Variants in CFAP47 observed in about 807,000 individuals in gnomAD.
CFAP47 encodes cilia- and flagella-associated protein 47.
CFAP47 carries 29 observed loss-of-function variants against 148.1 expected under a neutral mutation model. The ratio of observed to expected loss-of-function variants is 0.20; its 90% CI spans 0.15 to 0.27. CFAP47 has a LOEUF of 0.27. Ranked by LOEUF, CFAP47 falls within the 10% of genes least tolerant of loss-of-function variation. The probability of loss-of-function intolerance (pLI) is 1.00; values close to 1 mark genes in which losing one functional copy is unlikely to be tolerated. For synonymous variants in CFAP47, 664 were observed against 577.3 expected (o/e 1.15, Z -2.15); for missense variants, 1,872 against 1,697.5 (o/e 1.10, Z -1.81).
chrX:35,970,920 A>G lies in CFAP47; in HGVS notation c.1967A>G (p.Glu656Gly). ...GTGCGCTTGCAGAAGAAACAAGCAG[A>G]GAGGTAATGTTCAGTTCCTCAAAAA... ...RSVRLQKKQA[E>G]RERMYSYDDT... is the part of the protein sequence containing the mutation. Residue 656 changes from glutamate (E) to glycine (G), a missense_variant, in exon 11 of 64, where the codon GAG (glutamate) becomes GGG (glycine). Physicochemically the swap from Glu to Gly is moderately conservative, Grantham distance 98 (BLOSUM62 -2). Coordinates refer to ENST00000378653, the MANE Select transcript of CFAP47 (RefSeq NM_001304548.2). 1 of 1,192,950 alleles carries G rather than the reference A, an allele frequency of 8.4e-7. No homozygotes were observed.
In CFAP47 at chrX:35,919,824, A is replaced by T. The variant is rs1458653673; in HGVS notation, c.25A>T (p.Thr9Ser). The change falls in exon 1 of 64, where the codon ACC (threonine) becomes TCC (serine). Residue 9 changes from threonine to serine, a missense_variant. Transcript: ENST00000378653. MNTQKGSL[T>S]INVHRGSLAM... is the part of the protein sequence containing the mutation. ...CATGAACACCCAAAAGGGTTCCCTC[A>T]CCATAAACGTCCACAGAGGTTCCCT... 8.3e-7 allele frequency: 1 copy of T among 1,204,407 alleles called. No homozygotes were observed. Among genetic ancestry groups the T allele is most frequent in the Non-Finnish European group, 1.1e-6 (1 of 892,603 alleles).
In CFAP47 at chrX:36,255,373, G is replaced by C. The variant is rs185753450; in HGVS notation, c.7444+3929G>C. ...TATGTTTAGCAGAGGTAGAAACTGA[G>C]CTTTGGCGAAGGCCCACTGAAGGCT... On this transcript the variant is annotated intron_variant, in intron 49 of 63. Transcript: ENST00000378653. Among the ~76,000 whole-genome samples, 173 of 112,400 alleles carry C rather than the reference G, an allele frequency of 1.5e-3. 1 individual carries two copies. Among genetic ancestry groups the C allele is most frequent in the African/African-American group, 5.1e-3 (159 of 30,951 alleles).
At chrX:36,349,256 T>C (rs1556017058) in intron 58 of CFAP47, among the ~76,000 whole-genome samples, 2 of 111,549 alleles carry the variant, frequency 1.8e-5, no homozygotes, top group Non-Finnish European at 3.8e-5. Context: ...GATCATAAAT[T>C]TTTTTAATTA....
At chrX:36,324,155 G>A (rs1941499638) in intron 57 of CFAP47, among the ~76,000 whole-genome samples, 1 of 111,596 alleles carries the variant, frequency 9.0e-6, no homozygotes, top group Admixed American at 9.6e-5. Flanking sequence ...GAGTGTAGGT[G>A]AATTGTGATT....
chrX:35,929,720 C>T (rs886406266), intron 2 of CFAP47, among the ~76,000 whole-genome samples: 1 of 109,277 alleles, frequency 9.2e-6, no homozygotes, highest in African/African-American at 3.5e-5. Context: ...AGTGGTGAAG[C>T]TGGCTTGGTG....
At chrX:36,272,556 C>G (rs4381111) in intron 49 of CFAP47, among the ~76,000 whole-genome samples, 3,107 of 110,928 alleles carry the variant, frequency 0.028, 44 homozygotes, top group Non-Finnish European at 0.042. Flanking sequence ...AGGCATCTAC[C>G]TTACAGTCTG....
intron 2 of CFAP47, among the ~76,000 whole-genome samples, chrX:35,936,708 C>T (rs1030274783): frequency 9.0e-6 from 1 of 110,902 alleles, no homozygotes; most frequent in African/African-American, 3.3e-5. Flanking sequence ...ATTTTGTATG[C>T]TGTGGTTGTG....
intron 48 of CFAP47, among the ~76,000 whole-genome samples, chrX:36,240,142 A>G (rs146907952): frequency 6.6e-4 from 74 of 112,000 alleles, no homozygotes; most frequent in African/African-American, 2.3e-3. Flanking sequence ...GGAGGGGATG[A>G]TCTGATTTCC....
At chrX:35,973,356 A>C in intron 13 of CFAP47, among the ~76,000 whole-genome samples, 1 of 109,889 alleles carries the variant, frequency 9.1e-6, no homozygotes, top group Non-Finnish European at 1.9e-5. Flanking sequence ...CACCTGGCTA[A>C]TTTTTTGTAT....
chrX:35,941,318 T>C lies in CFAP47; in HGVS notation c.437T>C (p.Val146Ala). 8.5e-7 allele frequency: 1 copy of C among 1,176,207 alleles called. No homozygotes were observed. The highest frequency in any genetic ancestry group is 1.1e-6 in the Non-Finnish European group (1 of 875,635). ...TCCTGTCAATTGGAAATTGAATCAG[T>C]AGTTAATTTTGGCACACTGGTTGCC... The part of the protein sequence containing the change: ...IPSCQLEIES[V>A]VNFGTLVANS... The change falls in exon 3 of 64, where the codon GTA becomes GCA. Residue 146 changes from valine (V) to alanine (A), a missense_variant. Val to Ala is a moderately conservative substitution (Grantham distance 64, BLOSUM62 0). Transcript: ENST00000378653.
rs1280178579 is a variant in CFAP47 at position 35,966,701 on chromosome X, T to G, written c.1547T>G (p.Phe516Cys). Reference protein sequence around the residue: ...VKSFHHVYLAFNSICKASTKK... With the variant: ...VKSFHHVYLACNSICKASTKK... ...TCTTTCCATCACGTATATTTAGCTT[T>G]CAACAGCATCTGTAAAGCTTCCACC... The change falls in exon 9 of 64, where the codon TTC becomes TGC. Residue 516 changes from phenylalanine to cysteine, a missense_variant. Transcript: ENST00000378653. 2.5e-6 allele frequency: 3 copies of G among 1,182,481 alleles called. No homozygotes were observed. In the East Asian group the frequency reaches 9.2e-5, roughly 36 times the overall value.
chrX:36,131,535 T>C lies in CFAP47; in HGVS notation c.5321-6423T>C, dbSNP rs140187052. Among the ~76,000 whole-genome samples, 585 of 111,425 alleles carry C rather than the reference T, an allele frequency of 5.3e-3. 4 individuals carry two copies. Among genetic ancestry groups the C allele is most frequent in the African/African-American group, 0.017 (534 of 30,826 alleles). ...ACTCATTGGTTTATACTCAAGATAA[T>C]TGAAAATATATGATTACAAAAAACT... On this transcript the variant is annotated intron_variant, in intron 33 of 63. Coordinates refer to ENST00000378653, the MANE Select transcript of CFAP47 (RefSeq NM_001304548.2).
intron 23 of CFAP47, among the ~76,000 whole-genome samples, chrX:36,031,623 A>C (rs1390226660): frequency 9.1e-6 from 1 of 110,021 alleles, no homozygotes; most frequent in Non-Finnish European, 1.9e-5. Flanking sequence ...AAATAAGTTT[A>C]ATATAATTAA....
intron 45 of CFAP47, among the ~76,000 whole-genome samples, chrX:36,208,016 A>G (rs893839119): frequency 8.9e-6 from 1 of 111,801 alleles, no homozygotes; most frequent in African/African-American, 3.3e-5. Context: ...AGTATTTTGT[A>G]TCGCTCTAAT....
intron 8 of CFAP47, among the ~76,000 whole-genome samples, chrX:35,960,755 G>T (rs751656014): frequency 1.8e-5 from 2 of 110,784 alleles, no homozygotes; most frequent in African/African-American, 6.6e-5. Context: ...TATTAGTTCT[G>T]GTAGTTTTTT....
chrX:36,383,546 C>T (rs1021888087), intron 63 of CFAP47, among the ~76,000 whole-genome samples: 6 of 111,706 alleles, frequency 5.4e-5, no homozygotes, highest in Non-Finnish European at 1.1e-4. Context: ...CATCCTTATA[C>T]GAAGTAAAAT....
intron 32 of CFAP47, among the ~76,000 whole-genome samples, chrX:36,103,937 T>C (rs1224787363): frequency 9.0e-6 from 1 of 111,681 alleles, no homozygotes; most frequent in Non-Finnish European, 1.9e-5. Flanking sequence ...TCCAGTTGCA[T>C]TGCTACCTAA....
At chrX:36,278,021 T>C (rs1186693685) in intron 49 of CFAP47, among the ~76,000 whole-genome samples, 2 of 112,013 alleles carry the variant, frequency 1.8e-5, no homozygotes, top group Non-Finnish European at 3.8e-5. Flanking sequence ...GGGAGGTGTC[T>C]CCCAGTTAGG....
intron 2 of CFAP47, among the ~76,000 whole-genome samples, chrX:35,928,390 A>G (rs1171280481): frequency 1.8e-5 from 2 of 111,372 alleles, no homozygotes; most frequent in African/African-American, 6.5e-5. Flanking sequence ...TTTAATTTGC[A>G]TTTCCCCAAT....
Sources: gnomAD v4.1 joint callset for allele counts (sites outside exome capture counted in the v4.1 genomes callset) on GRCh38, gnomAD v4.1.1 for gene constraint, MANE v1.5 for transcripts, NCBI Gene and HGNC (gene_info 2026-07-23, HGNC 2026-07-21) for gene names.